Variants in KAZN observed in about 807,000 individuals in gnomAD.
KAZN encodes the protein kazrin.
In KAZN, 40 loss-of-function variants were observed where a neutral mutation model predicts 87.4. The ratio of observed to expected loss-of-function variants is 0.46; its 90% CI spans 0.36 to 0.60. The LOEUF (loss-of-function observed/expected upper bound fraction) is 0.60. Among genes scored for constraint, KAZN ranks in the 20% least tolerant of loss-of-function variants. The pLI is 0.00. For missense variants in KAZN, 898 were observed against 1,073.9 expected, an observed-to-expected ratio of 0.84 and a Z score of 2.29; for synonymous variants, 466 against 458.3, an observed-to-expected ratio of 1.02 and a Z score of -0.22.
chr1:14,284,697 A>G (rs1171991181), intron 2 of KAZN, among the ~76,000 whole-genome samples: 4 of 152,234 alleles, frequency 2.6e-5, no homozygotes, highest in Non-Finnish European at 5.9e-5. Context: ...TGGAAAGGAA[A>G]GGACCACTGG....
intron 1 of KAZN, among the ~76,000 whole-genome samples, chr1:13,999,078 A>G (rs1256052330): frequency 6.6e-6 from 1 of 152,218 alleles, no homozygotes; most frequent in African/African-American, 2.4e-5. Context: ...GGCCAGGCAC[A>G]GTGGCTCATG....
At chr1:14,144,991 C>G (rs951770507) in intron 1 of KAZN, among the ~76,000 whole-genome samples, 1 of 152,186 alleles carries the variant, frequency 6.6e-6, no homozygotes, top group Non-Finnish European at 1.5e-5. Context: ...TTGGAGGGAA[C>G]AAATATCCAA....
rs145279975 is a variant in KAZN at position 14,640,747 on chromosome 1, T to C, written c.226+41524T>C. Reference sequence around the variant, plus strand: ...GCCCCTGGGACTTTGCACATGCCATTTGTTCTGCCTGGATAACTCTTTGCC... The same window carrying C: ...GCCCCTGGGACTTTGCACATGCCATCTGTTCTGCCTGGATAACTCTTTGCC... On this transcript the variant is annotated intron_variant, in intron 1 of 14. Transcript: ENST00000376030. Among the ~76,000 whole-genome samples the C allele has an allele frequency of 5.4e-3, 828 of 152,302 alleles. 11 individuals carry two copies. The highest frequency in any genetic ancestry group is 0.019 in the African/African-American group (793 of 41,558).
chr1:14,549,401 G>C (rs1347388324), intron 2 of KAZN, among the ~76,000 whole-genome samples: 1 of 152,162 alleles, frequency 6.6e-6, no homozygotes, highest in Non-Finnish European at 1.5e-5. Context: ...AGTCTTCAGA[G>C]AGGAAGTCCC....
At chr1:14,520,551 C>T (rs775012097) in intron 2 of KAZN, among the ~76,000 whole-genome samples, 1 of 152,164 alleles carries the variant, frequency 6.6e-6, no homozygotes, top group Non-Finnish European at 1.5e-5. Flanking sequence ...ATGGGACAAC[C>T]AAGAGAGCTC....
intron 2 of KAZN, among the ~76,000 whole-genome samples, chr1:14,373,169 G>GT (rs886281276): frequency 1.7e-4 from 25 of 151,098 alleles, no homozygotes; most frequent in African/African-American, 4.7e-4. Context: ...CATTGCTCCA[G>GT]TATTTGTTAG....
chr1:14,119,009 A>G lies in KAZN; in HGVS notation c.92-61426A>G, dbSNP rs150412495. Among the ~76,000 whole-genome samples, 64 of 149,282 alleles carry G rather than the reference A, an allele frequency of 4.3e-4. 1 individual carries two copies. Among genetic ancestry groups the G allele is most frequent in the African/African-American group, 1.5e-3 (61 of 40,098 alleles). ...GGTAGCCCTGGCTGGGTAGCCTTAG[A>G]AAGCCTGTCATTGCAAAACAAACAA... On this transcript the variant is annotated intron_variant, in intron 1 of 16. Transcript: ENST00000636203.
intron 1 of KAZN, among the ~76,000 whole-genome samples, chr1:14,120,290 C>T (rs909365215): frequency 3.0e-4 from 45 of 152,036 alleles, no homozygotes; most frequent in African/African-American, 3.1e-4. Context: ...GGGGAGGTGC[C>T]GTGCACTCTT....
chr1:14,469,757 A>G (rs1668351099), intron 2 of KAZN, among the ~76,000 whole-genome samples: 1 of 152,206 alleles, frequency 6.6e-6, no homozygotes, highest in Non-Finnish European at 1.5e-5. Context: ...TCAGATTCTT[A>G]TTAGCATTAA....
chr1:14,314,932 TG>T lies in KAZN; in HGVS notation c.249+134342del, dbSNP rs564377792. Among the ~76,000 whole-genome samples, 62 of 152,278 alleles carry T rather than the reference TG, an allele frequency of 4.1e-4. 1 individual carries two copies. Among genetic ancestry groups the T allele is most frequent in the Admixed American group, 2.9e-3 (45 of 15,284 alleles). Reference sequence around the variant, plus strand: ...TATATAAGTGGAATCATGTGGTACGTGGCCTTTTGCATCTGGCTTTTTCACT... The same window carrying T: ...TATATAAGTGGAATCATGTGGTACGTGCCTTTTGCATCTGGCTTTTTCACT... On this transcript the variant is annotated intron_variant, in intron 2 of 16. Transcript: ENST00000636203.
At chr1:14,961,010 G>C (rs1400630180) in intron 2 of KAZN, 135 bp downstream of exon 2, 3 of 896,696 alleles carry the variant, frequency 3.3e-6, no homozygotes, top group Non-Finnish European at 4.9e-6. Flanking sequence ...TGGCTGCCCT[G>C]TCCCTTCTTC....
At chr1:15,065,334 C>G (rs1639145569) in intron 7 of KAZN, among the ~76,000 whole-genome samples, 1 of 152,122 alleles carries the variant, frequency 6.6e-6, no homozygotes, top group East Asian at 1.9e-4. Context: ...GGCCTGTTCT[C>G]AGGGTCTTTA....
At chr1:13,893,818 C>G (rs1226228121) in intron 1 of KAZN, 2 of 1,536,482 alleles carry the variant, frequency 1.3e-6, no homozygotes, top group East Asian at 4.9e-5. Context: ...ATCCCGGGTC[C>G]CCAAAAACAG....
chr1:14,065,700 G>C (rs967456140), intron 1 of KAZN, among the ~76,000 whole-genome samples: 3 of 151,972 alleles, frequency 2.0e-5, no homozygotes, highest in Non-Finnish European at 4.4e-5. Flanking sequence ...TGTTCCAATC[G>C]ATATGCAAGG....
In KAZN at chr1:14,013,751, G is replaced by A. The variant is rs550454220; in HGVS notation, c.91+119995G>A. Among the ~76,000 whole-genome samples the A allele has an allele frequency of 3.9e-5, 6 of 152,316 alleles. No individual in the cohort carries two copies. The South Asian group carries it at 1.2e-3, about 32-fold the overall frequency. ...TTTAAATGGAAGCATTCCTCCTTCA[G>A]CAAGCTTGTGTCCGGGGATGGCTGC... On this transcript the variant is annotated intron_variant, in intron 1 of 16. Coordinates refer to the KAZN transcript ENST00000636203.
At chr1:14,527,346 C>G (rs1329409626) in intron 2 of KAZN, among the ~76,000 whole-genome samples, 1 of 152,074 alleles carries the variant, frequency 6.6e-6, no homozygotes, top group Non-Finnish European at 1.5e-5. Flanking sequence ...GTCAAGAGTT[C>G]GAGACCAGCC....
intron 2 of KAZN, among the ~76,000 whole-genome samples, chr1:14,188,563 G>A (rs563411368): frequency 2.6e-5 from 4 of 152,192 alleles, no homozygotes; most frequent in African/African-American, 9.6e-5. Context: ...ATGAGACATA[G>A]GAGTGGGATG....
rs569442894 is a variant in KAZN, at chr1:14,342,697, G to A, written c.249+162105G>A. 2.6e-5 allele frequency among the ~76,000 whole-genome samples: 4 copies of A among 152,324 alleles called. No homozygotes were observed. The South Asian group carries it at 8.3e-4, about 32-fold the overall frequency. ...AGAAGGTGAGGAGAAAGAGGTTGGGGGAGGATGTGGATCCCTTAAGAGATG... is the reference window on the plus strand; with the variant it reads ...AGAAGGTGAGGAGAAAGAGGTTGGGAGAGGATGTGGATCCCTTAAGAGATG... On this transcript the variant is annotated intron_variant, in intron 2 of 16. Coordinates refer to the KAZN transcript ENST00000636203.
intron 2 of KAZN, among the ~76,000 whole-genome samples, chr1:14,418,318 G>T (rs1399555005): frequency 1.3e-5 from 2 of 152,130 alleles, no homozygotes; most frequent in African/African-American, 2.4e-5. Context: ...TCCTCCCCAG[G>T]AAAGTCTCAA....
Sources: allele counts gnomAD v4.1 joint callset (sites outside exome capture counted in the v4.1 genomes callset), GRCh38; gene constraint gnomAD v4.1.1; transcripts MANE v1.5; gene names NCBI Gene and HGNC (gene_info 2026-07-23, HGNC 2026-07-21).